The following USH2A variants were observed in gnomAD, a reference collection of about 807,000 sequenced individuals.
The protein encoded by USH2A is usherin.
A neutral mutation model predicts 538.9 loss-of-function variants in USH2A; 443 were observed. That is an observed-to-expected ratio of 0.82 (90% confidence interval 0.76 to 0.89). USH2A has a LOEUF of 0.89. USH2A is among the 40% of genes least tolerant of loss of function. The probability of loss-of-function intolerance (pLI) is 0.00; values close to 1 mark genes in which losing one functional copy is unlikely to be tolerated. For synonymous variants in USH2A, 2,413 were observed against 2,273.5 expected, an observed-to-expected ratio of 1.06 and a Z score of -1.75; for missense variants, 6,633 against 6,324.8, an observed-to-expected ratio of 1.05 and a Z score of -1.65.
chr1:215,973,515 G>A (rs1464465422), intron 35 of USH2A, among the ~76,000 whole-genome samples: 1 of 152,082 alleles, frequency 6.6e-6, no homozygotes, highest in Non-Finnish European at 1.5e-5. Flanking sequence ...TTCAGTGATT[G>A]ATGAGATACA....
intron 11 of USH2A, among the ~76,000 whole-genome samples, chr1:216,260,636 A>C (rs1254094088): frequency 6.6e-6 from 1 of 152,154 alleles, no homozygotes; most frequent in Non-Finnish European, 1.5e-5. Flanking sequence ...TTCCACATAG[A>C]AAGTATTTAG....
At chr1:216,034,113 GT>G (rs35084315) in intron 32 of USH2A, among the ~76,000 whole-genome samples, 25,158 of 152,076 alleles carry the variant, frequency 0.17, 2,232 homozygotes, top group South Asian at 0.24. Context: ...GGACTACTGA[GT>G]TTTCAAAGGG....
At chr1:215,898,530 C>A (rs1043083018) in intron 40 of USH2A, among the ~76,000 whole-genome samples, 1 of 152,080 alleles carries the variant, frequency 6.6e-6, no homozygotes, top group African/African-American at 2.4e-5. Flanking sequence ...GGGGAGATTA[C>A]CGCTGAGGAA....
intron 4 of USH2A, among the ~76,000 whole-genome samples, chr1:216,364,135 C>A (rs1177096060): frequency 1.3e-5 from 2 of 151,416 alleles, no homozygotes; most frequent in Admixed American, 6.6e-5. Context: ...CTTATTTCAA[C>A]TTCTGGTTTT....
chr1:216,288,031 C>A (rs1008983076), intron 11 of USH2A, among the ~76,000 whole-genome samples: 11 of 151,954 alleles, frequency 7.2e-5, no homozygotes, highest in African/African-American at 2.4e-4. Context: ...TTTTACAGAG[C>A]CTGTAATGAG....
intron 14 of USH2A, among the ~76,000 whole-genome samples, chr1:216,221,983 T>A (rs1302629983): frequency 1.3e-5 from 2 of 152,182 alleles, no homozygotes; most frequent in Non-Finnish European, 2.9e-5. Context: ...ATGAGCTACT[T>A]CATGAGACAG....
chr1:216,403,502 A>G (rs776834616), intron 3 of USH2A, among the ~76,000 whole-genome samples: 11 of 152,218 alleles, frequency 7.2e-5, no homozygotes, highest in Non-Finnish European at 1.3e-4. Context: ...TTCAGATGTC[A>G]TGATTGTCTA....
chr1:216,036,048 TAG>T (rs1450683022), intron 32 of USH2A, among the ~76,000 whole-genome samples: 2 of 152,088 alleles, frequency 1.3e-5, no homozygotes, highest in African/African-American at 4.8e-5. Flanking sequence ...GGAATTGAGG[TAG>T]ATCATCAAAT....
At chr1:215,995,724 T>A (rs187527925) in intron 34 of USH2A, among the ~76,000 whole-genome samples, 49 of 152,334 alleles carry the variant, frequency 3.2e-4, no homozygotes, top group Middle Eastern at 3.4e-3. Flanking sequence ...GTTTTAACCA[T>A]CGCCTATAGC....
At chr1:215,645,194 G>T (rs1656808173) in intron 67 of USH2A, among the ~76,000 whole-genome samples, 1 of 152,170 alleles carries the variant, frequency 6.6e-6, no homozygotes, top group African/African-American at 2.4e-5. Flanking sequence ...TTGTGGGCAT[G>T]AAGGGAGAAA....
Position 215,779,912 on chromosome 1 carries a change from G to A in USH2A, c.10870C>T (p.Gln3624Ter), listed in dbSNP as rs1395386546. 1 of 1,614,026 alleles carries A rather than the reference G, an allele frequency of 6.2e-7. No homozygotes were observed. The highest frequency in any genetic ancestry group is 8.5e-7 in the Non-Finnish European group (1 of 1,180,014). Residue 3624 changes from glutamine (Q) to a stop codon, truncating the protein, a stop_gained, in exon 55 of 72, where the codon CAG becomes TAG. Transcript: ENST00000307340. LOFTEE classifies it high-confidence loss of function. ...EKSNGVIKEY[Q>*]IRQVGKGLIH... ...AGACCTTTCCCAACCTGCCTGATCT[G>A]GTACTCTTTAATGACGCCGTTTGAT... is the stretch of plus-strand genomic sequence containing the variant.
At chr1:216,175,899 A>C (rs980502600) in intron 20 of USH2A, among the ~76,000 whole-genome samples, 2 of 152,088 alleles carry the variant, frequency 1.3e-5, no homozygotes, top group East Asian at 3.9e-4. Context: ...TCTGCGTAGA[A>C]CTTCCCTTGG....
At chr1:216,411,089 A>G (rs1422242590) in intron 3 of USH2A, among the ~76,000 whole-genome samples, 2 of 152,124 alleles carry the variant, frequency 1.3e-5, no homozygotes, top group Non-Finnish European at 2.9e-5. Context: ...CCATTTAAAA[A>G]AAAAATCTTA....
intron 67 of USH2A, among the ~76,000 whole-genome samples, chr1:215,642,682 T>C (rs1385772216): frequency 6.6e-6 from 1 of 152,202 alleles, no homozygotes; most frequent in Non-Finnish European, 1.5e-5. Context: ...ACATCCACTC[T>C]ATCTGGCTGG....
chr1:215,695,253 A>C (rs1025600600), intron 61 of USH2A, among the ~76,000 whole-genome samples: 1 of 152,214 alleles, frequency 6.6e-6, no homozygotes, highest in Non-Finnish European at 1.5e-5. Flanking sequence ...AAGATGGAGA[A>C]GGGCAGCCAA....
At chr1:216,152,870 C>G (rs1043936048) in intron 21 of USH2A, among the ~76,000 whole-genome samples, 1 of 152,186 alleles carries the variant, frequency 6.6e-6, no homozygotes, top group Admixed American at 6.5e-5. Flanking sequence ...CCACCATGCC[C>G]CACTATCCTA....
At chr1:216,187,856 C>A (rs988896772) in intron 20 of USH2A, among the ~76,000 whole-genome samples, 1 of 151,840 alleles carries the variant, frequency 6.6e-6, no homozygotes, top group African/African-American at 2.4e-5. Flanking sequence ...AACTAAGGCA[C>A]AGAGGTTAGA....
chr1:216,106,218 A>C (rs996668378), intron 21 of USH2A, among the ~76,000 whole-genome samples: 8 of 147,502 alleles, frequency 5.4e-5, no homozygotes, highest in African/African-American at 2.0e-4. Context: ...TATATATAAT[A>C]AATATATATT....
intron 15 of USH2A, among the ~76,000 whole-genome samples, chr1:216,210,773 G>A (rs553124284): frequency 6.6e-6 from 1 of 152,120 alleles, no homozygotes; most frequent in South Asian, 2.1e-4. Context: ...ACGAGGTCAG[G>A]AGATCAAGAC....
Sources: allele counts gnomAD v4.1 joint callset (sites outside exome capture counted in the v4.1 genomes callset), GRCh38; gene constraint gnomAD v4.1.1; transcripts MANE v1.5; gene names NCBI Gene and HGNC (gene_info 2026-07-23, HGNC 2026-07-21).